Variants in YAF2 observed in about 807,000 individuals in gnomAD.
YAF2 encodes the protein YY1 associated factor 2.
In YAF2, 7 loss-of-function variants were observed where a neutral mutation model predicts 20.1. That is an observed-to-expected ratio of 0.35 (90% CI 0.20 to 0.65). YAF2 has a LOEUF of 0.65. YAF2 is among the 30% of genes least tolerant of loss of function. YAF2 has a pLI of 0.69. For missense variants in YAF2, 151 were observed against 219.2 expected, an observed-to-expected ratio of 0.69 and a Z score of 1.96; for synonymous variants, 74 against 76.0, an observed-to-expected ratio of 0.97 and a Z score of 0.14.
chr12:42,198,707 G>T (rs2066819642), intron 2 of YAF2, among the ~76,000 whole-genome samples: 1 of 152,172 alleles, frequency 6.6e-6, no homozygotes, highest in Admixed American at 6.5e-5. Context: ...CCGAAATGGA[G>T]AGCGGGGTTT....
chr12:42,179,291 G>A (rs2066278314), intron 2 of YAF2, among the ~76,000 whole-genome samples: 2 of 152,162 alleles, frequency 1.3e-5, no homozygotes, highest in South Asian at 4.1e-4. Context: ...CCAACGTGGT[G>A]AAACCCCGTC....
At chr12:42,173,541 T>C (rs1291971137) in intron 2 of YAF2, among the ~76,000 whole-genome samples, 1 of 152,168 alleles carries the variant, frequency 6.6e-6, no homozygotes, top group Non-Finnish European at 1.5e-5. Context: ...AATAGGTCAC[T>C]CTCAACTTTC....
intron 2 of YAF2, among the ~76,000 whole-genome samples, chr12:42,207,862 G>C (rs373690982): frequency 0.01 from 1,570 of 152,244 alleles, 16 homozygotes; most frequent in Non-Finnish European, 0.016. Flanking sequence ...CTGCACTCCA[G>C]CCTGGGCGAC....
At chr12:42,173,680 C>T (rs2066108206) in intron 2 of YAF2, among the ~76,000 whole-genome samples, 1 of 152,182 alleles carries the variant, frequency 6.6e-6, no homozygotes, top group Admixed American at 6.5e-5. Flanking sequence ...AGCACCTTCT[C>T]CTTTCCAATC....
chr12:42,179,837 T>C (rs2066297329), intron 2 of YAF2, among the ~76,000 whole-genome samples: 1 of 151,862 alleles, frequency 6.6e-6, no homozygotes, highest in African/African-American at 2.4e-5. Context: ...AAGATGTTAT[T>C]TGATTTAGAG....
intron 2 of YAF2, among the ~76,000 whole-genome samples, chr12:42,218,487 G>T (rs1325906410): frequency 1.3e-5 from 2 of 151,952 alleles, no homozygotes; most frequent in African/African-American, 4.8e-5. Context: ...GTTTTTATCT[G>T]TTTCTCAAAT....
chr12:42,167,141 G>A (rs1396181172), intron 2 of YAF2, among the ~76,000 whole-genome samples: 43 of 151,768 alleles, frequency 2.8e-4, no homozygotes, highest in Non-Finnish European at 4.1e-4. Context: ...GCCTGTTGGG[G>A]AGTGGGGGGA....
chr12:42,225,510 A>C (rs1246368284), intron 2 of YAF2, among the ~76,000 whole-genome samples: 1 of 152,188 alleles, frequency 6.6e-6, no homozygotes, highest in African/African-American at 2.4e-5. Context: ...TTATGGTTTT[A>C]GGTCTTATGT....
intron 2 of YAF2, among the ~76,000 whole-genome samples, chr12:42,186,649 C>T (rs1447714928): frequency 6.6e-6 from 1 of 151,596 alleles, no homozygotes; most frequent in Non-Finnish European, 1.5e-5. Context: ...TGCACTCTAG[C>T]ATGGGTGACA....
In YAF2 at chr12:42,161,598, A is replaced by C; in HGVS notation, c.305+15T>G. 6.4e-7 allele frequency: 1 copy of C among 1,564,586 alleles called. No homozygotes were observed. The highest frequency in any genetic ancestry group is 8.6e-7 in the Non-Finnish European group (1 of 1,160,192). On this transcript the variant is annotated intron_variant, in intron 3 of 3. Coordinates refer to ENST00000534854, the MANE Select transcript of YAF2 (RefSeq NM_005748.6). ...TATTATTTCAAAAATGTCATAAAAC[A>C]CTCTTCACATTTACCTGGTTTTCTT... is the stretch of plus-strand genomic sequence containing the variant.
Position 42,179,809 on chromosome 12 carries a change from AG to A in YAF2, c.153-18045del, listed in dbSNP as rs1473637112. Among the ~76,000 whole-genome samples the A allele has an allele frequency of 1.3e-3, 196 of 149,102 alleles. 1 individual carries two copies. Among genetic ancestry groups the A allele is most frequent in the East Asian group, 9.6e-3 (48 of 4,984 alleles). On this transcript the variant is annotated intron_variant, in intron 2 of 3. Transcript: ENST00000534854. ...AAAGGCAAAAAAAAAAAAAAAAAAA[AG>A]AAATCAGTAGTATTAAAAGATGTTA... is the stretch of plus-strand genomic sequence containing the variant.
chr12:42,162,663 C>T (rs2065824159), intron 2 of YAF2, among the ~76,000 whole-genome samples: 1 of 152,112 alleles, frequency 6.6e-6, no homozygotes, highest in Non-Finnish European at 1.5e-5. Flanking sequence ...TTGGTTAGTA[C>T]AGTTTTTAAA....
At chr12:42,206,670 A>G (rs1318966980) in intron 2 of YAF2, among the ~76,000 whole-genome samples, 1 of 152,028 alleles carries the variant, frequency 6.6e-6, no homozygotes, top group Non-Finnish European at 1.5e-5. Flanking sequence ...CTGTTCTTTG[A>G]AAAGTTCTCC....
intron 2 of YAF2, 158 bp downstream of exon 2, chr12:42,237,441 T>G: frequency 1.5e-6 from 2 of 1,313,164 alleles, no homozygotes; most frequent in Non-Finnish European, 1.9e-6. Flanking sequence ...ATCGCCTGGG[T>G]TGCGATCAAT....
chr12:42,161,441 C>T (rs548406698), intron 3 of YAF2, 172 bp downstream of exon 3: 4 of 604,268 alleles, frequency 6.6e-6, no homozygotes, highest in African/African-American at 5.8e-5. Context: ...TTTCTGGCTT[C>T]TGTGTTTAAT....
intron 2 of YAF2, chr12:42,232,892 T>C (rs1345285761): frequency 1.0e-6 from 1 of 985,210 alleles, no homozygotes; most frequent in African/African-American, 1.7e-5. Flanking sequence ...ATATTTTTAA[T>C]GAAGAAGTTC....
chr12:42,189,067 C>T (rs1013432373), intron 2 of YAF2, among the ~76,000 whole-genome samples: 31 of 152,116 alleles, frequency 2.0e-4, no homozygotes, highest in Non-Finnish European at 1.0e-4. Flanking sequence ...GATTTTTAAA[C>T]TGAGCTTAGA....
chr12:42,207,702 C>T (rs1052107985), intron 2 of YAF2, among the ~76,000 whole-genome samples: 47 of 151,834 alleles, frequency 3.1e-4, no homozygotes, highest in Non-Finnish European at 5.4e-4. Context: ...ACCATCCTGG[C>T]TAACACGGTG....
intron 2 of YAF2, among the ~76,000 whole-genome samples, chr12:42,188,478 C>T (rs2066530665): frequency 6.7e-6 from 1 of 150,114 alleles, no homozygotes. Flanking sequence ...CTCCACCTCT[C>T]GGGCTCAAGC....
Sources: gnomAD v4.1 joint callset for allele counts (sites outside exome capture counted in the v4.1 genomes callset) on GRCh38, gnomAD v4.1.1 for gene constraint, MANE v1.5 for transcripts, NCBI Gene and HGNC (gene_info 2026-07-23, HGNC 2026-07-21) for gene names.